The following SARDH variants were observed in gnomAD, a reference collection of about 807,000 sequenced individuals.
SARDH encodes the protein sarcosine dehydrogenase.
In SARDH, 95 loss-of-function variants were observed where a neutral mutation model predicts 109.1. The ratio of observed to expected loss-of-function variants is 0.87; its 90% CI spans 0.74 to 1.03. The LOEUF (loss-of-function observed/expected upper bound fraction) is 1.03, where lower values mean the gene tolerates loss of function less well. Ranked by LOEUF, SARDH falls within the 50% of genes least tolerant of loss-of-function variation. SARDH has a pLI of 0.00. For synonymous variants in SARDH, 572 were observed against 534.8 expected, an observed-to-expected ratio of 1.07 and a Z score of -0.96; for missense variants, 1,267 against 1,287.8, an observed-to-expected ratio of 0.98 and a Z score of 0.25.
intron 3 of SARDH, 67 bp from the exon 4 acceptor site, chr9:133,731,551 A>G: frequency 6.6e-7 from 1 of 1,523,722 alleles, no homozygotes; most frequent in Non-Finnish European, 9.0e-7. Flanking sequence ...TCCCCTCCCC[A>G]ACTGGGCATC....
At chr9:133,695,263 C>G (rs1831241944) in intron 14 of SARDH, among the ~76,000 whole-genome samples, 1 of 151,990 alleles carries the variant, frequency 6.6e-6, no homozygotes, top group South Asian at 2.1e-4. Context: ...GCCAATATGG[C>G]GAAACCCCGT....
In SARDH at chr9:133,734,092, G is replaced by A; in HGVS notation, c.82C>T (p.Leu28=). The A allele has an allele frequency of 6.2e-7, 1 of 1,612,900 alleles. No homozygotes were observed. The highest frequency in any genetic ancestry group is 8.5e-7 in the Non-Finnish European group (1 of 1,179,864). ...GCTGTGGGGCCAGCTGCGCTGGACA[G>A]GTTGCATGGCCCCATGCCCCGGGTA... ...SPTRGMGPCN[L]SSAAGPTAEK... The change falls in exon 2 of 21, where the codon CTG becomes TTG. Residue 28 remains leucine (L), a synonymous_variant. Transcript: ENST00000439388.
intron 16 of SARDH, among the ~76,000 whole-genome samples, chr9:133,688,562 C>T (rs1013159119): frequency 5.9e-5 from 9 of 152,216 alleles, no homozygotes; most frequent in South Asian, 2.1e-4. Flanking sequence ...AGCCCAAGCC[C>T]GACCATGTTC....
At chr9:133,705,109 C>A in intron 11 of SARDH, 78 bp from the exon 12 acceptor site, 1 of 1,404,324 alleles carries the variant, frequency 7.1e-7, no homozygotes, top group South Asian at 1.2e-5. Flanking sequence ...ACATCCGCCA[C>A]TTTACACCCA....
Position 133,700,894 on chromosome 9 carries a change from G to A in SARDH, c.1668+2022C>T, listed in dbSNP as rs117102863. ...ATGCCCCCCACTGCTGAGCAGAGGT[G>A]CCCACCTCATTGTTGTTACAGGAAA... is the stretch of plus-strand genomic sequence containing the variant. On this transcript the variant is annotated intron_variant, in intron 13 of 20. Coordinates refer to ENST00000439388, the MANE Select transcript of SARDH (RefSeq NM_001134707.2). 6.6e-3 allele frequency among the ~76,000 whole-genome samples: 1,007 copies of A among 152,302 alleles called. 9 individuals are homozygous for A. The highest frequency in any genetic ancestry group is 0.017 in the South Asian group (83 of 4,824).
downstream of SARDH, among the ~76,000 whole-genome samples, chr9:133,659,815 T>G (rs575894831): frequency 6.6e-6 from 1 of 152,292 alleles, no homozygotes; most frequent in African/African-American, 2.4e-5. Flanking sequence ...CTCTGTCATC[T>G]TTACAGCCTA....
intron 13 of SARDH, among the ~76,000 whole-genome samples, chr9:133,699,333 C>T (rs1831398572): frequency 1.3e-5 from 2 of 152,014 alleles, no homozygotes; most frequent in South Asian, 4.2e-4. Context: ...ATGGAGAAAC[C>T]CCATCTCTAC....
chr9:133,702,676 G>C lies in SARDH; in HGVS notation c.1668+240C>G, dbSNP rs117367918. Among the ~76,000 whole-genome samples the C allele has an allele frequency of 6.9e-3, 1,047 of 152,332 alleles. 4 individuals are homozygous for C. Among genetic ancestry groups the C allele is most frequent in the Non-Finnish European group, 9.8e-3 (670 of 68,024 alleles). ...CCGCCCCCACCTCACCCCATCCCCA[G>C]CAGCACCACTTCCGCTCAGGCCTGG... On this transcript the variant is annotated intron_variant, in intron 13 of 20. Coordinates refer to ENST00000439388, the MANE Select transcript of SARDH (RefSeq NM_001134707.2).
At position 133,705,614 on chromosome 9, in the gene SARDH, G is replaced by T. The variant is rs1831667129; in HGVS notation, c.1471-583C>A. 2.1e-5 allele frequency among the ~76,000 whole-genome samples: 3 copies of T among 141,212 alleles called. No individual in the cohort carries two copies. In the South Asian group the frequency reaches 6.9e-4, roughly 32 times the overall value. The allele number at this position is 141,212 out of a possible 152,430, so 92.6% of individuals were successfully genotyped here. A position where few individuals can be genotyped will look rare whatever the true frequency, so the allele number is the denominator to read the frequency against. ...TCTGCCCTCATCCTGAGAACCCCCA[G>T]CTACAGAATAGCACCTGCCCCATCT... On this transcript the variant is annotated intron_variant, in intron 11 of 20. Coordinates refer to ENST00000439388, the MANE Select transcript of SARDH (RefSeq NM_001134707.2).
intron 1 of SARDH, among the ~76,000 whole-genome samples, chr9:133,737,570 C>G (rs930510033): frequency 6.6e-6 from 1 of 152,190 alleles, no homozygotes; most frequent in Non-Finnish European, 1.5e-5. Context: ...CCACCCACCA[C>G]GGTGCCGCAT....
At position 133,702,923 on chromosome 9, in the gene SARDH, T is replaced by C; in HGVS notation, c.1661A>G (p.His554Arg). The C allele has an allele frequency of 6.2e-7, 1 of 1,611,828 alleles. No individual in the cohort carries two copies. The highest frequency in any genetic ancestry group is 2.2e-5 in the East Asian group (1 of 44,850). The change falls in exon 13 of 21, where the codon CAC (histidine) becomes CGC (arginine). Residue 554 changes from histidine to arginine, a missense_variant. Physicochemically the swap from His to Arg is conservative, Grantham distance 29. Transcript: ENST00000439388. Reference sequence around the variant, plus strand: ...TGGACCCCAGCTACGCACCGTGTCGTGGTGGGGCGGGAAGGCGAAGGTGTA... The same window carrying C: ...TGGACCCCAGCTACGCACCGTGTCGCGGTGGGGCGGGAAGGCGAAGGTGTA... The part of the protein sequence containing the change: ...DEYTFAFPPH[H>R]DTIKKECLAC...
chr9:133,660,877 T>C (rs995771508), downstream of SARDH, among the ~76,000 whole-genome samples: 1 of 152,244 alleles, frequency 6.6e-6, no homozygotes, highest in African/African-American at 2.4e-5. Flanking sequence ...GCTAGCCTCA[T>C]GTGGCTACTT....
intron 19 of SARDH, among the ~76,000 whole-genome samples, chr9:133,668,459 C>T (rs1354867731): frequency 6.4e-5 from 2 of 31,112 alleles, no homozygotes; most frequent in African/African-American, 3.0e-4. Flanking sequence ...CCCTCTCCCT[C>T]GCCCTCCCTC....
intron 6 of SARDH, among the ~76,000 whole-genome samples, chr9:133,719,364 G>A (rs1295516366): frequency 6.6e-6 from 1 of 152,194 alleles, no homozygotes; most frequent in Non-Finnish European, 1.5e-5. Flanking sequence ...GAGAGAACAG[G>A]CAGAGGCAGC....
chr9:133,680,209 G>A (rs1457740741), intron 17 of SARDH, among the ~76,000 whole-genome samples: 4 of 152,246 alleles, frequency 2.6e-5, no homozygotes, highest in African/African-American at 9.6e-5. Flanking sequence ...CTACAGGTGG[G>A]GACACTGAGG....
In SARDH at chr9:133,690,430, G is replaced by T; in HGVS notation, c.2019C>A (p.Leu673=). ...VLQDQKSQCQ[L]IDSSEDLGMI... ...TACCCAGGTCCTCGGAGCTGTCGAT[G>T]AGCTGGCACTGGGACTTCTGGTCCT... Residue 673 remains leucine (L), a synonymous_variant, in exon 16 of 21, where the codon CTC becomes CTA. Coordinates refer to ENST00000439388, the MANE Select transcript of SARDH (RefSeq NM_001134707.2). 1 of 1,613,334 alleles carries T rather than the reference G, an allele frequency of 6.2e-7. No individual in the cohort carries two copies.
At position 133,702,900 on chromosome 9, in the gene SARDH, G is replaced by C; in HGVS notation, c.1668+16C>G. ...GGCAGAAGGACGGACCCCCACGGTG[G>C]ACCCCAGCTACGCACCGTGTCGTGG... On this transcript the variant is annotated intron_variant, in intron 13 of 20. Transcript: ENST00000439388. The C allele has an allele frequency of 6.2e-7, 1 of 1,606,166 alleles. No individual in the cohort carries two copies. The highest frequency in any genetic ancestry group is 2.2e-5 in the East Asian group (1 of 44,820).
At chr9:133,736,133 A>G (rs1265367518) in intron 1 of SARDH, among the ~76,000 whole-genome samples, 2 of 151,946 alleles carry the variant, frequency 1.3e-5, no homozygotes, top group East Asian at 3.9e-4. Flanking sequence ...CAGCCATCAC[A>G]TGCTGCCTAG....
intron 17 of SARDH, among the ~76,000 whole-genome samples, chr9:133,672,051 G>A (rs556003536): frequency 6.6e-6 from 1 of 152,278 alleles, no homozygotes; most frequent in African/African-American, 2.4e-5. Flanking sequence ...GGTTCTGCAG[G>A]CTCAAAATCC....
Sources: gnomAD v4.1 joint callset for allele counts (sites outside exome capture counted in the v4.1 genomes callset) on GRCh38, gnomAD v4.1.1 for gene constraint, MANE v1.5 for transcripts, NCBI Gene and HGNC (gene_info 2026-07-23, HGNC 2026-07-21) for gene names.